CELF4: variants seen among roughly 807,000 people sequenced by gnomAD.
CELF4 encodes CUGBP Elav-like family member 4.
A neutral mutation model predicts 59.9 loss-of-function variants in CELF4; 18 were observed. The observed-to-expected ratio is 0.30, with a 90% CI of 0.21 to 0.45. The LOEUF (loss-of-function observed/expected upper bound fraction) is 0.45, where lower values mean the gene tolerates loss of function less well. CELF4 is among the 20% of genes least tolerant of loss of function. The probability of loss-of-function intolerance (pLI) is 1.00; values close to 1 mark genes in which losing one functional copy is unlikely to be tolerated. For missense variants in CELF4, 456 were observed against 689.0 expected (o/e 0.66, Z 3.79); for synonymous variants, 261 against 267.1 (o/e 0.98, Z 0.22).
intron 6 of CELF4, chr18:37,273,899 C>T: frequency 9.8e-7 from 1 of 1,022,694 alleles, no homozygotes; most frequent in Non-Finnish European, 1.2e-6. Context: ...TCACAGGAGC[C>T]CTGCCAGGAG....
intron 2 of CELF4, among the ~76,000 whole-genome samples, chr18:37,347,931 A>C (rs908847385): frequency 6.6e-6 from 1 of 151,904 alleles, no homozygotes; most frequent in East Asian, 1.9e-4. Context: ...TTCGAGAGAG[A>C]TACCTCCCAC....
chr18:37,560,854 G>A (rs2099986313), intron 1 of CELF4, among the ~76,000 whole-genome samples: 1 of 152,130 alleles, frequency 6.6e-6, no homozygotes, highest in Non-Finnish European at 1.5e-5. Flanking sequence ...GTCAAGCGGT[G>A]GAAATTCAGT....
At chr18:37,514,560 C>T (rs138525742) in intron 1 of CELF4, among the ~76,000 whole-genome samples, 20 of 152,226 alleles carry the variant, frequency 1.3e-4, no homozygotes, top group Admixed American at 5.2e-4. Flanking sequence ...GACAATCACA[C>T]GAGGAATTGG....
In CELF4 at chr18:37,244,162, A is replaced by AT. The variant is rs58947703; in HGVS notation, c.*1079dup. On this transcript the variant is annotated 3_prime_UTR_variant, in exon 13 of 13. Transcript: ENST00000420428. ...CTATAGGTTTTTTTTTTCCTTTTTT[A>AT]TTTTTTTTTTTTATTTTTTGCTTTC... is the stretch of plus-strand genomic sequence containing the variant. 77,803 of 144,664 alleles carry AT rather than the reference A, an allele frequency of 0.54. 22,050 individuals are homozygous for AT. Among genetic ancestry groups the AT allele is most frequent in the East Asian group, 0.84 (4,221 of 5,010 alleles). The allele number at this position is 144,664 out of a possible 1,614,324, so 9.0% of individuals were successfully genotyped here.
At chr18:37,295,927 G>A (rs2095614661) in intron 3 of CELF4, among the ~76,000 whole-genome samples, 1 of 152,182 alleles carries the variant, frequency 6.6e-6, no homozygotes, top group African/African-American at 2.4e-5. Context: ...GCTTTCTCTT[G>A]CAGATGTGGT....
intron 2 of CELF4, among the ~76,000 whole-genome samples, chr18:37,349,325 G>C (rs906397878): frequency 6.6e-6 from 1 of 152,196 alleles, no homozygotes; most frequent in Non-Finnish European, 1.5e-5. Flanking sequence ...CACGTTGGGG[G>C]GAGAAACTGG....
At chr18:37,302,632 G>A (rs894069677) in intron 3 of CELF4, among the ~76,000 whole-genome samples, 3 of 152,198 alleles carry the variant, frequency 2.0e-5, no homozygotes, top group African/African-American at 7.2e-5. Flanking sequence ...GATGGGTGAG[G>A]ATTGACGCCT....
At chr18:37,333,349 C>A (rs893975703) in intron 2 of CELF4, among the ~76,000 whole-genome samples, 4 of 151,484 alleles carry the variant, frequency 2.6e-5, no homozygotes, top group Non-Finnish European at 5.9e-5. Flanking sequence ...CCTCTCCCCC[C>A]TCTCCCTCTT....
chr18:37,295,637 G>GA (rs2095594847), intron 3 of CELF4, among the ~76,000 whole-genome samples: 1 of 152,192 alleles, frequency 6.6e-6, no homozygotes, highest in Non-Finnish European at 1.5e-5. Flanking sequence ...TACAGAGGAG[G>GA]AAATGGAGGC....
chr18:37,406,868 G>A (rs2099392672), intron 2 of CELF4, among the ~76,000 whole-genome samples: 1 of 152,050 alleles, frequency 6.6e-6, no homozygotes, highest in Admixed American at 6.6e-5. Context: ...GGGAAGTGGG[G>A]GAATGGGGAA....
At chr18:37,548,784 C>T (rs533142881) in intron 1 of CELF4, among the ~76,000 whole-genome samples, 5 of 152,330 alleles carry the variant, frequency 3.3e-5, no homozygotes, top group Admixed American at 6.5e-5. Flanking sequence ...CTGGTCCGTG[C>T]GGGAGCCAGA....
At chr18:37,314,228 T>C (rs2096779481) in intron 3 of CELF4, among the ~76,000 whole-genome samples, 1 of 152,082 alleles carries the variant, frequency 6.6e-6, no homozygotes, top group Non-Finnish European at 1.5e-5. Flanking sequence ...AGGTGGATCA[T>C]TTGAGGTTAG....
intron 2 of CELF4, among the ~76,000 whole-genome samples, chr18:37,383,040 ATG>A (rs2099059402): frequency 2.6e-5 from 4 of 151,760 alleles, no homozygotes; most frequent in South Asian, 2.1e-4. Context: ...GTATGTATGT[ATG>A]TATGTATGTA....
chr18:37,426,115 G>A (rs1203161376), intron 2 of CELF4, among the ~76,000 whole-genome samples: 5 of 152,218 alleles, frequency 3.3e-5, no homozygotes, highest in African/African-American at 1.2e-4. Context: ...CAGTAGCACT[G>A]GACAGGTTCC....
At chr18:37,313,470 T>A (rs2096748436) in intron 3 of CELF4, among the ~76,000 whole-genome samples, 1 of 152,154 alleles carries the variant, frequency 6.6e-6, no homozygotes, top group South Asian at 2.1e-4. Flanking sequence ...GCACATCCAG[T>A]TCATCTGCAC....
At chr18:37,312,137 A>AAAG (rs1569557798) in intron 3 of CELF4, among the ~76,000 whole-genome samples, 444 of 141,206 alleles carry the variant, frequency 3.1e-3, no homozygotes, top group Non-Finnish European at 4.3e-3. Context: ...AAAAGAAAAA[A>AAAG]AAAAAAAGAA....
intron 2 of CELF4, among the ~76,000 whole-genome samples, chr18:37,344,994 G>A (rs1335692663): frequency 6.6e-6 from 1 of 152,196 alleles, no homozygotes; most frequent in Admixed American, 6.5e-5. Context: ...CCCACTTCCT[G>A]TTTGTCCAGA....
chr18:37,553,146 A>G (rs1174874753), intron 1 of CELF4, among the ~76,000 whole-genome samples: 3 of 152,248 alleles, frequency 2.0e-5, no homozygotes, highest in Non-Finnish European at 4.4e-5. Flanking sequence ...TGAAATAGTC[A>G]AGATGACAGT....
chr18:37,499,892 G>A (rs1390824804), intron 1 of CELF4, among the ~76,000 whole-genome samples: 4 of 152,224 alleles, frequency 2.6e-5, no homozygotes, highest in Non-Finnish European at 4.4e-5. Flanking sequence ...ATGAGTGGAG[G>A]AGTGGGGCAT....
Sources: allele counts gnomAD v4.1 joint callset (sites outside exome capture counted in the v4.1 genomes callset), GRCh38; gene constraint gnomAD v4.1.1; transcripts MANE v1.5; gene names NCBI Gene and HGNC (gene_info 2026-07-23, HGNC 2026-07-21).